Variants in KPRP observed in about 807,000 individuals in gnomAD.
The protein encoded by KPRP is keratinocyte proline rich protein.
For missense variants in KPRP, 820 were observed against 746.4 expected (o/e 1.10, Z -1.15); for synonymous variants, 282 against 276.9 (o/e 1.02, Z -0.18).
exon 1 of KPRP, chr1:152,760,813 C>T (rs773581259): frequency 3.7e-6 from 6 of 1,613,992 alleles, no homozygotes; most frequent in Admixed American, 1.7e-5. Flanking sequence ...TCCACGTCTG[C>T]GCCCAGAACC....
chr1:152,759,513 C>T, upstream of KPRP: 1 of 1,535,618 alleles, frequency 6.5e-7, no homozygotes, highest in East Asian at 2.3e-5. Context: ...GGTCCTGGCA[C>T]CCCCTCTCCA....
exon 1 of KPRP, chr1:152,760,008 T>C (rs778698230): frequency 9.3e-6 from 15 of 1,614,088 alleles, no homozygotes; most frequent in African/African-American, 1.3e-5. Context: ...CAGTTTGTTA[T>C]ACAGAAACTT....
chr1:152,760,772 C>A, exon 1 of KPRP: 1 of 1,614,204 alleles, frequency 6.2e-7, no homozygotes, highest in Non-Finnish European at 8.5e-7. Context: ...CCAGAGTCAC[C>A]ACTGCAGCGA....
At chr1:152,758,657 C>A (rs1228087343), upstream of KPRP, among the ~76,000 whole-genome samples, 1 of 152,184 alleles carries the variant, frequency 6.6e-6, no homozygotes, top group Non-Finnish European at 1.5e-5. Context: ...GTTTGCAATG[C>A]CCCAGCTGCG....
At chr1:152,759,706 C>A (rs772924971) in exon 1 of KPRP, 1 of 1,614,138 alleles carries the variant, frequency 6.2e-7, no homozygotes, top group African/African-American at 1.3e-5. Context: ...GGTTCAAGCC[C>A]CTTGTGAGAT....
chr1:152,760,683 C>T (rs1193819940), exon 1 of KPRP: 5 of 1,613,026 alleles, frequency 3.1e-6, no homozygotes, highest in African/African-American at 1.3e-5. Context: ...CCTGGGGCGC[C>T]TCCTGCCCTG....
rs1246495648 is a variant in KPRP, at chr1:152,761,035, G to T, written c.1447G>T (p.Ala483Ser). The change falls in exon 1 of 1, where the codon GCG becomes TCG. Residue 483 changes from alanine (A) to serine (S), a missense_variant. Transcript: ENST00000606109. ...ACGACCAGAGCCAATTCCCCTGCCGGCGCCCTGCCCAAGCCCGGAGCCCTG... is the reference window on the plus strand; with the variant it reads ...ACGACCAGAGCCAATTCCCCTGCCGTCGCCCTGCCCAAGCCCGGAGCCCTG... The T allele has an allele frequency of 2.5e-6, 4 of 1,613,336 alleles. No homozygotes were observed. The South Asian group carries it at 3.3e-5, about 13-fold the overall frequency.
rs756390441 is a variant in KPRP at position 152,760,111 on chromosome 1, CAG to C, written c.524_525del (p.Gln175ArgfsTer14). On this transcript the variant is annotated frameshift_variant, in exon 1 of 1. Transcript: ENST00000606109. LOFTEE classifies it low-confidence loss of function (END_TRUNC). ...AGGGCGTCCTGCAGTGTGCCAGCCT[CAG>C]GGAAGATTCTCCACCCAGTGCCAGT... is the stretch of plus-strand genomic sequence containing the variant. The C allele has an allele frequency of 3.1e-6, 5 of 1,614,184 alleles. No homozygotes were observed. In the Admixed American group the frequency reaches 8.3e-5, roughly 27 times the overall value.
exon 1 of KPRP, chr1:152,761,534 C>A: frequency 4.5e-6 from 4 of 891,466 alleles, no homozygotes; most frequent in Non-Finnish European, 6.6e-6. Flanking sequence ...TGTCACTCCT[C>A]GCCCGTACGC....
exon 1 of KPRP, chr1:152,761,828 G>C (rs1314266008): frequency 5.9e-6 from 1 of 170,046 alleles, no homozygotes; most frequent in African/African-American, 2.4e-5. Context: ...CTCTTGAATT[G>C]TTATTTCACT....
chr1:152,760,597 C>A, exon 1 of KPRP: 1 of 1,608,836 alleles, frequency 6.2e-7, no homozygotes, highest in Non-Finnish European at 8.5e-7. Flanking sequence ...CTGCCCCAGG[C>A]AGGTTCCCCC....
At chr1:152,758,666 C>T (rs1313628981), upstream of KPRP, among the ~76,000 whole-genome samples, 3 of 152,086 alleles carry the variant, frequency 2.0e-5, no homozygotes, top group Admixed American at 6.5e-5. Context: ...GCCCCAGCTG[C>T]GTAGATCTTT....
chr1:152,759,429 T>A, upstream of KPRP: 1 of 1,277,298 alleles, frequency 7.8e-7, no homozygotes, highest in South Asian at 1.6e-5. Flanking sequence ...TGGGTCGAAC[T>A]AAGTCAGGAC....
chr1:152,760,633 C>G (rs981583565), exon 1 of KPRP: 6 of 1,610,180 alleles, frequency 3.7e-6, no homozygotes, highest in Middle Eastern at 1.6e-4. Flanking sequence ...TGAGATTCCT[C>G]CCATCAGACG....
chr1:152,760,361 C>T (rs780218516), exon 1 of KPRP: 48 of 1,614,064 alleles, frequency 3.0e-5, no homozygotes, highest in Admixed American at 6.7e-5. Context: ...TGCCTTCCTC[C>T]TCCTCGGCGG....
rs138979282 is a variant in KPRP at position 152,760,799 on chromosome 1, C to T, written c.1211C>T (p.Pro404Leu). ...CTGCAGCGATGTCCACCTCCTGCTCCACGTCCACGTCTGCGCCCAGAACCA... is the reference window on the plus strand; with the variant it reads ...CTGCAGCGATGTCCACCTCCTGCTCTACGTCCACGTCTGCGCCCAGAACCA... The change falls in exon 1 of 1, where the codon CCA becomes CTA. Residue 404 changes from proline (P) to leucine (L), a missense_variant. Coordinates refer to ENST00000606109, the Ensembl canonical transcript of KPRP. The T allele has an allele frequency of 8.9e-5, 144 of 1,614,122 alleles. No individual in the cohort carries two copies. The African/African-American group carries it at 1.4e-3, about 16-fold the overall frequency.
chr1:152,759,464 G>A, upstream of KPRP: 1 of 1,433,988 alleles, frequency 7.0e-7, no homozygotes, highest in Non-Finnish European at 9.2e-7. Flanking sequence ...TGAGGGTGGA[G>A]GAAGAAAAGC....
exon 1 of KPRP, chr1:152,761,900 G>A (rs1156621105): frequency 5.9e-6 from 1 of 168,524 alleles, no homozygotes; most frequent in East Asian, 1.9e-4. Context: ...AGTGGAGTCG[G>A]AGAATCTCTA....
At chr1:152,761,095 G>A in exon 1 of KPRP, 1 of 1,614,052 alleles carries the variant, frequency 6.2e-7, no homozygotes, top group Non-Finnish European at 8.5e-7. Flanking sequence ...CCCATGCTGG[G>A]GCCCAAATCC....
Sources: gnomAD v4.1 joint callset for allele counts (sites outside exome capture counted in the v4.1 genomes callset) on GRCh38, gnomAD v4.1.1 for gene constraint, MANE v1.5 for transcripts, NCBI Gene and HGNC (gene_info 2026-07-23, HGNC 2026-07-21) for gene names.